B4GALNT3: variants seen among roughly 807,000 people sequenced by gnomAD.
B4GALNT3 encodes beta-1,4-N-acetylgalactosaminyltransferase 3.
Under a neutral mutation model 120.2 loss-of-function variants are expected in B4GALNT3, and 86 were observed. That is an observed-to-expected ratio of 0.72 (90% confidence interval 0.60 to 0.86). The LOEUF is 0.86. Ranked by LOEUF, B4GALNT3 falls within the 40% of genes least tolerant of loss-of-function variation. The pLI, the probability that B4GALNT3 is intolerant of heterozygous loss-of-function variation, is 0.00. For missense variants in B4GALNT3, 1,167 were observed against 1,298.9 expected (o/e 0.90, Z 1.56); for synonymous variants, 518 against 510.4 (o/e 1.01, Z -0.20).
intron 1 of B4GALNT3, among the ~76,000 whole-genome samples, chr12:492,519 T>C (rs1390125437): frequency 6.6e-6 from 1 of 152,240 alleles, no homozygotes; most frequent in East Asian, 1.9e-4. Flanking sequence ...AGAATCGATA[T>C]TGTCAAAACA....
chr12:538,294 A>G (rs1463477658), intron 3 of B4GALNT3, among the ~76,000 whole-genome samples: 1 of 152,184 alleles, frequency 6.6e-6, no homozygotes, highest in Non-Finnish European at 1.5e-5. Flanking sequence ...TGGTGGCTCA[A>G]GCCTGGAATC....
Position 546,676 on chromosome 12 carries a change from T to A in B4GALNT3, c.670T>A (p.Phe224Ile). 1 of 1,551,464 alleles carries A rather than the reference T, an allele frequency of 6.4e-7. No individual in the cohort carries two copies. Among genetic ancestry groups the A allele is most frequent in the Non-Finnish European group, 8.7e-7 (1 of 1,146,880 alleles). Residue 224 changes from phenylalanine to isoleucine, a missense_variant, in exon 7 of 20, where the codon TTT becomes ATT. Physicochemically the swap from Phe to Ile is conservative, Grantham distance 21 (BLOSUM62 0). Around this residue, in one of 3 missense-constraint regions of B4GALNT3, gnomAD observed 983 missense variants for 1,102.5 expected, o/e 0.89. Transcript: ENST00000266383. ...AAAGGAGTGGACCGCCCCGGGAGAG[T>A]TTGGGAAATTTCGGAGCCAAATTTC... ...TGKEWTAPGE[F>I]GKFRSQISKP...
chr12:518,349 C>T (rs138186964), intron 1 of B4GALNT3, among the ~76,000 whole-genome samples: 17 of 152,272 alleles, frequency 1.1e-4, no homozygotes, highest in South Asian at 4.1e-4. Context: ...TACCAAAATC[C>T]GAGGATACTC....
intron 1 of B4GALNT3, among the ~76,000 whole-genome samples, chr12:512,660 C>T (rs1277415728): frequency 1.9e-5 from 2 of 107,056 alleles, no homozygotes; most frequent in Non-Finnish European, 4.4e-5. Flanking sequence ...CTTCCACCTT[C>T]TTCCACCTTC....
At chr12:555,411 A>G (rs773243679) in intron 14 of B4GALNT3, 3 of 455,834 alleles carry the variant, frequency 6.6e-6, no homozygotes, top group South Asian at 3.1e-5. Context: ...TGTAGAATCT[A>G]TTAAACACTT....
chr12:561,545 A>G lies in B4GALNT3; in HGVS notation c.*94A>G, dbSNP rs1034681826. 10 of 1,014,010 alleles carry G rather than the reference A, an allele frequency of 9.9e-6. No individual in the cohort carries two copies. The highest frequency in any genetic ancestry group is 1.5e-5 in the Non-Finnish European group (10 of 687,014). The allele number at this position is 1,014,010 out of a possible 1,614,324, so 62.8% of individuals were successfully genotyped here. A position where few individuals can be genotyped will look rare whatever the true frequency, so the allele number is the denominator to read the frequency against. On this transcript the variant is annotated 3_prime_UTR_variant, in exon 20 of 20. Coordinates refer to ENST00000266383, the MANE Select transcript of B4GALNT3 (RefSeq NM_173593.4). ...CTGTTCAGGGATGGGGAGTGGGGTG[A>G]CGGCTGGACCCCAAGAGGCCTCGAA... is the stretch of plus-strand genomic sequence containing the variant.
chr12:515,191 G>A (rs961776900), intron 1 of B4GALNT3, among the ~76,000 whole-genome samples: 5 of 152,028 alleles, frequency 3.3e-5, no homozygotes, highest in East Asian at 1.9e-4. Context: ...TGTTGTTGTC[G>A]TTGTTGTTGT....
chr12:529,328 T>C (rs1445629595), intron 1 of B4GALNT3, among the ~76,000 whole-genome samples: 1 of 152,200 alleles, frequency 6.6e-6, no homozygotes, highest in African/African-American at 2.4e-5. Context: ...TTGCTTTTGG[T>C]TGGGGTCGGG....
intron 1 of B4GALNT3, among the ~76,000 whole-genome samples, chr12:465,060 G>A (rs1290855729): frequency 6.6e-6 from 1 of 152,236 alleles, no homozygotes; most frequent in Non-Finnish European, 1.5e-5. Flanking sequence ...AGGAGGGATA[G>A]TGTGGCATGG....
chr12:524,569 T>A (rs1417565184), intron 1 of B4GALNT3, among the ~76,000 whole-genome samples: 3 of 152,042 alleles, frequency 2.0e-5, no homozygotes, highest in Non-Finnish European at 2.9e-5. Flanking sequence ...TCTTTCTGCT[T>A]TCCTTGGATT....
At chr12:539,064 G>A (rs532053524) in intron 3 of B4GALNT3, among the ~76,000 whole-genome samples, 33 of 152,284 alleles carry the variant, frequency 2.2e-4, no homozygotes, top group African/African-American at 7.7e-4. Context: ...GAAAGATGAC[G>A]ATGGCCTCCT....
At position 558,427 on chromosome 12, in the gene B4GALNT3, C is replaced by G. The variant is rs1380170857; in HGVS notation, c.2608-81C>G. The G allele has an allele frequency of 2.9e-6, 4 of 1,373,666 alleles. No homozygotes were observed. In the African/African-American group the frequency reaches 5.8e-5, roughly 20 times the overall value. The allele number at this position is 1,373,666 out of a possible 1,614,324, so 85.1% of individuals were successfully genotyped here. A position where few individuals can be genotyped will look rare whatever the true frequency, so the allele number is the denominator to read the frequency against. On this transcript the variant is annotated intron_variant, in intron 17 of 19. Transcript: ENST00000266383. The stretch of plus-strand genomic sequence containing the variant: ...GTGAATCACTCCAATAGGGAAGACT[C>G]CGAGGCTTCTCCTAGACGGCGACCT...
At chr12:517,173 A>G (rs1946665379) in intron 1 of B4GALNT3, among the ~76,000 whole-genome samples, 1 of 152,214 alleles carries the variant, frequency 6.6e-6, no homozygotes, top group Admixed American at 6.5e-5. Flanking sequence ...TCATCAATGT[A>G]CAGATGGTGT....
At chr12:493,619 GAGA>G (rs1946364588) in intron 1 of B4GALNT3, among the ~76,000 whole-genome samples, 1 of 148,762 alleles carries the variant, frequency 6.7e-6, no homozygotes, top group Non-Finnish European at 1.5e-5. Context: ...GGTTTTTCAC[GAGA>G]AGGATATAAT....
chr12:465,516 G>GT (rs11350211), intron 1 of B4GALNT3, among the ~76,000 whole-genome samples: 111 of 148,774 alleles, frequency 7.5e-4, no homozygotes, highest in East Asian at 1.2e-3. Context: ...GACATCAATG[G>GT]TTTTTTTTTT....
chr12:555,309 C>G, intron 14 of B4GALNT3: 1 of 455,960 alleles, frequency 2.2e-6, no homozygotes, highest in Non-Finnish European at 4.4e-6. Flanking sequence ...TTTTCCTATT[C>G]CGGACATCTT....
intron 12 of B4GALNT3, 129 bp downstream of exon 12, chr12:552,292 TACACACACAC>T (rs10604398): frequency 0.016 from 10,249 of 625,078 alleles, 11 homozygotes; most frequent in South Asian, 0.032. Flanking sequence ...TCCTGAGTAC[TACACACACAC>T]ACACACACAC....
intron 9 of B4GALNT3, among the ~76,000 whole-genome samples, 159 bp from the exon 10 acceptor site, chr12:549,610 G>A (rs761181119): frequency 1.7e-4 from 26 of 152,376 alleles, no homozygotes; most frequent in Non-Finnish European, 2.6e-4. Flanking sequence ...TGAAGCCACC[G>A]CTGTGGCGGG....
Position 557,672 on chromosome 12 carries a change from C to T in B4GALNT3, c.2445C>T (p.Thr815=), listed in dbSNP as rs374891117. 6.2e-5 allele frequency: 100 copies of T among 1,610,060 alleles called. No individual in the cohort carries two copies. The highest frequency in any genetic ancestry group is 3.1e-4 in the East Asian group (14 of 44,760). Residue 815 remains threonine (T), a synonymous_variant, in exon 16 of 20, where the codon ACC becomes ACT. Coordinates refer to ENST00000266383, the MANE Select transcript of B4GALNT3 (RefSeq NM_173593.4). ...ACATGGAAAACCTGTTCCAGGTCAC[C>T]GGTGACCCACACTTCAACATCGTCA... ...IKDMENLFQV[T]GDPHFNIVIT...
Sources: gnomAD v4.1 joint callset for allele counts (sites outside exome capture counted in the v4.1 genomes callset) on GRCh38, gnomAD v4.1.1 for gene constraint, gnomAD v4.1.1 regional missense constraint, MANE v1.5 for transcripts, NCBI Gene and HGNC (gene_info 2026-07-23, HGNC 2026-07-21) for gene names.